The following DNAJC13 variants were observed in gnomAD, a reference collection of about 807,000 sequenced individuals.
DNAJC13 encodes dnaJ homolog subfamily C member 13.
Under a neutral mutation model 290.5 loss-of-function variants are expected in DNAJC13, and 75 were observed. That is an observed-to-expected ratio of 0.26 (90% confidence interval 0.21 to 0.31). DNAJC13 has a LOEUF of 0.31. Ranked by LOEUF, DNAJC13 falls within the 10% of genes least tolerant of loss-of-function variation. The pLI is 1.00. For synonymous variants in DNAJC13, 862 were observed against 892.0 expected (o/e 0.97, Z 0.60); for missense variants, 2,260 against 2,674.5 (o/e 0.85, Z 3.42).
chr3:132,491,068 C>T lies in DNAJC13; in HGVS notation c.3623+17C>T, dbSNP rs765265387. 1.1e-5 allele frequency: 17 copies of T among 1,577,700 alleles called. No homozygotes were observed. The highest frequency in any genetic ancestry group is 1.4e-5 in the Non-Finnish European group (16 of 1,165,650). ...TGAAATGAGGTAAATAACCAGTTGA[C>T]TGATTGATTTGTATTTTATAATTAA... On this transcript the variant is annotated intron_variant, in intron 32 of 55. Coordinates refer to ENST00000260818, the MANE Select transcript of DNAJC13 (RefSeq NM_015268.4).
intron 54 of DNAJC13, 84 bp downstream of exon 54, chr3:132,528,416 C>T (rs1322864950): frequency 4.7e-6 from 7 of 1,504,110 alleles, no homozygotes; most frequent in Non-Finnish European, 5.4e-6. Flanking sequence ...GTTCAAGTTC[C>T]ACTTACAGAT....
At position 132,528,184 on chromosome 3, in the gene DNAJC13, T is replaced by G; in HGVS notation, c.6382-5T>G. 6.2e-7 allele frequency: 1 copy of G among 1,613,890 alleles called. No individual in the cohort carries two copies. The highest frequency in any genetic ancestry group is 8.5e-7 in the Non-Finnish European group (1 of 1,179,884). On this transcript the variant is annotated splice_region_variant and splice_polypyrimidine_tract_variant and intron_variant, in intron 53 of 55. Transcript: ENST00000260818. ...GTGTTTATATATGCTTAATATTTCT[T>G]CTAGGCCCTGAAAGCAGATTTGGTT...
chr3:132,489,481 T>C (rs1934995554), intron 31 of DNAJC13, among the ~76,000 whole-genome samples: 2 of 148,048 alleles, frequency 1.4e-5, no homozygotes, highest in South Asian at 2.3e-4. Context: ...GGGGTTAAGC[T>C]GGGAATTAAA....
At chr3:132,484,912 T>C (rs545933086) in intron 29 of DNAJC13, among the ~76,000 whole-genome samples, 7 of 151,530 alleles carry the variant, frequency 4.6e-5, no homozygotes, top group African/African-American at 1.7e-4. Flanking sequence ...CTACAAAAAA[T>C]AAATAAATAA....
chr3:132,461,058 G>C lies in DNAJC13; in HGVS notation c.1566G>C (p.Gly522=). 1 of 1,613,816 alleles carries C rather than the reference G, an allele frequency of 6.2e-7. No homozygotes were observed. The highest frequency in any genetic ancestry group is 1.3e-5 in the African/African-American group (1 of 75,002). ...CTGTTGCATTGTTTCAGGATCATGG[G>C]ACTGGTGCCCTAGTTATTAGTTCGC... is the stretch of plus-strand genomic sequence containing the variant. The part of the protein sequence containing the change: ...LEKFNSHVDH[G]TGALVISSLL... The change falls in exon 15 of 56, where the codon GGG becomes GGC. Residue 522 remains glycine (G), a synonymous_variant. Transcript: ENST00000260818.
At position 132,507,307 on chromosome 3, in the gene DNAJC13, A is replaced by G. The variant is rs769683387; in HGVS notation, c.5069A>G (p.Glu1690Gly). 8 of 1,613,134 alleles carry G rather than the reference A, an allele frequency of 5.0e-6. No homozygotes were observed. Among genetic ancestry groups the G allele is most frequent in the South Asian group, 2.2e-5 (2 of 91,030 alleles). Residue 1690 changes from glutamate (E) to glycine (G), a missense_variant, in exon 43 of 56, where the codon GAG becomes GGG. Physicochemically the swap from Glu to Gly is moderately conservative, Grantham distance 98. Transcript: ENST00000260818. ...CATGCCAAAGAACTTATTGTAGGGG[A>G]GATTTTTGTTAGGGTGTATAATGAA... ...SDHAKELIVG[E>G]IFVRVYNEVP...
intron 2 of DNAJC13, among the ~76,000 whole-genome samples, chr3:132,445,523 G>A (rs76401101): frequency 0.037 from 5,566 of 152,060 alleles, 333 homozygotes; most frequent in African/African-American, 0.13. Context: ...AGGAGCATGG[G>A]AGTTACTTGG....
intron 17 of DNAJC13, 45 bp downstream of exon 17, chr3:132,463,862 GAGAATTGATTC>G: frequency 6.3e-7 from 1 of 1,584,546 alleles, no homozygotes; most frequent in Non-Finnish European, 8.6e-7. Context: ...TTCCTGTCTA[GAGAATTGATTC>G]AGATGTTACA....
chr3:132,507,150 A>G, intron 42 of DNAJC13, 87 bp from the exon 43 acceptor site: 2 of 859,314 alleles, frequency 2.3e-6, no homozygotes, highest in Non-Finnish European at 3.7e-6. Flanking sequence ...ATATGCATAG[A>G]TCTCTCAAGT....
chr3:132,475,377 C>T (rs184539832), intron 22 of DNAJC13, among the ~76,000 whole-genome samples: 4 of 151,460 alleles, frequency 2.6e-5, no homozygotes, highest in Admixed American at 6.6e-5. Context: ...ATTTCTGGGA[C>T]CTTTGAGTTC....
rs1468464935 is a variant in DNAJC13, at chr3:132,456,247, A to T, written c.945A>T (p.Leu315Phe). Residue 315 changes from leucine (L) to phenylalanine (F), a missense_variant, in exon 10 of 56, where the codon TTA becomes TTT. Leu to Phe is a conservative substitution (Grantham distance 22). This residue lies in a region of DNAJC13 where 762 missense variants were observed against 964.1 expected (regional missense o/e 0.79). Transcript: ENST00000260818. ...KYSSTERDSL[L>F]ASLLDGVRAS... Reference sequence around the variant, plus strand: ...TAATCTTACTTAGAGATTCCTTATTAGCAAGTTTGCTGGATGGAGTAAGAG... The same window carrying T: ...TAATCTTACTTAGAGATTCCTTATTTGCAAGTTTGCTGGATGGAGTAAGAG... 1 of 1,611,332 alleles carries T rather than the reference A, an allele frequency of 6.2e-7. No homozygotes were observed. Among genetic ancestry groups the T allele is most frequent in the South Asian group, 1.1e-5 (1 of 90,468 alleles).
chr3:132,518,699 A>G (rs1301392152), intron 48 of DNAJC13, among the ~76,000 whole-genome samples: 1 of 152,128 alleles, frequency 6.6e-6, no homozygotes, highest in Non-Finnish European at 1.5e-5. Flanking sequence ...TGAGATATTA[A>G]TATCATTGAC....
In DNAJC13 at chr3:132,492,486, A is replaced by C; in HGVS notation, c.3696A>C (p.Ala1232=). 1 of 1,613,872 alleles carries C rather than the reference A, an allele frequency of 6.2e-7. No homozygotes were observed. Among genetic ancestry groups the C allele is most frequent in the Non-Finnish European group, 8.5e-7 (1 of 1,179,848 alleles). ...CTCGTCTTCAGAGTAACACAAGAGCACTTTATCAGTATTGCCCCATTCCTA... is the reference window on the plus strand; with the variant it reads ...CTCGTCTTCAGAGTAACACAAGAGCCCTTTATCAGTATTGCCCCATTCCTA... The part of the protein sequence containing the change: ...FTPRLQSNTR[A]LYQYCPIPII... Residue 1232 remains alanine (A), a synonymous_variant, in exon 33 of 56, where the codon GCA becomes GCC. Coordinates refer to ENST00000260818, the MANE Select transcript of DNAJC13 (RefSeq NM_015268.4).
At chr3:132,460,725 A>G (rs996950946) in intron 14 of DNAJC13, among the ~76,000 whole-genome samples, 1 of 152,240 alleles carries the variant, frequency 6.6e-6, no homozygotes, top group Non-Finnish European at 1.5e-5. Flanking sequence ...GAAGGAACAT[A>G]AGCAGATTGC....
At chr3:132,445,466 T>G (rs1400859872) in intron 2 of DNAJC13, among the ~76,000 whole-genome samples, 2 of 152,048 alleles carry the variant, frequency 1.3e-5, no homozygotes, top group Non-Finnish European at 2.9e-5. Context: ...TTAGTAGTAT[T>G]AAAAAAATTG....
intron 9 of DNAJC13, among the ~76,000 whole-genome samples, chr3:132,455,374 T>G (rs1190073784): frequency 1.3e-5 from 2 of 152,200 alleles, no homozygotes; most frequent in African/African-American, 4.8e-5. Flanking sequence ...AAAAGAACTC[T>G]CATACATTGC....
intron 9 of DNAJC13, 54 bp downstream of exon 9, chr3:132,454,211 T>A (rs1267516072): frequency 4.6e-6 from 6 of 1,305,414 alleles, no homozygotes; most frequent in Non-Finnish European, 6.4e-6. Flanking sequence ...GCAAAGTGCT[T>A]GGTCAACAAG....
intron 55 of DNAJC13, among the ~76,000 whole-genome samples, chr3:132,536,125 ATAATTTAGT>A (rs1202970946): frequency 6.6e-6 from 1 of 152,210 alleles, no homozygotes; most frequent in Non-Finnish European, 1.5e-5. Flanking sequence ...GAAATACCTA[ATAATTTAGT>A]TTATGAAGTA....
intron 1 of DNAJC13, among the ~76,000 whole-genome samples, chr3:132,428,609 C>A (rs1939165991): frequency 6.6e-6 from 1 of 151,952 alleles, no homozygotes; most frequent in Non-Finnish European, 1.5e-5. Context: ...GGTGCCTAGC[C>A]AATCTGGTTA....
Sources: gnomAD v4.1 joint callset for allele counts (sites outside exome capture counted in the v4.1 genomes callset) on GRCh38, gnomAD v4.1.1 for gene constraint, gnomAD v4.1.1 regional missense constraint, MANE v1.5 for transcripts, NCBI Gene and HGNC (gene_info 2026-07-23, HGNC 2026-07-21) for gene names.